The following CCDC178 variants were observed in gnomAD, a reference collection of about 807,000 sequenced individuals.
The protein encoded by CCDC178 is coiled-coil domain containing 178.
A neutral mutation model predicts 117.4 loss-of-function variants in CCDC178; 126 were observed. The observed-to-expected ratio is 1.07, with a 90% confidence interval of 0.93 to 1.24. The LOEUF (loss-of-function observed/expected upper bound fraction) is 1.24. CCDC178 is among the 50% of genes most tolerant of loss of function. The pLI is 0.00. For synonymous variants in CCDC178, 283 were observed against 313.4 expected (o/e 0.90, Z 1.02); for missense variants, 1,030 against 986.9 (o/e 1.04, Z -0.59).
chr18:33,439,937 C>A (rs1460396253), intron 2 of CCDC178, 25 bp downstream of exon 2: 1 of 152,158 alleles, frequency 6.6e-6, no homozygotes, highest in Non-Finnish European at 1.5e-5. Context: ...AATCACAAAT[C>A]AGCTCTGAAT....
intron 20 of CCDC178, among the ~76,000 whole-genome samples, chr18:33,153,239 C>T (rs184598907): frequency 4.7e-5 from 7 of 150,304 alleles, no homozygotes; most frequent in East Asian, 3.9e-4. Flanking sequence ...ATTTGAAATA[C>T]GACATTAAAT....
At chr18:33,269,817 TCA>T (rs2059865073) in intron 12 of CCDC178, among the ~76,000 whole-genome samples, 2 of 151,920 alleles carry the variant, frequency 1.3e-5, no homozygotes, top group African/African-American at 4.8e-5. Context: ...TTTAAAATGT[TCA>T]GTTTTCAACA....
chr18:33,287,034 G>T (rs998883988), intron 12 of CCDC178, among the ~76,000 whole-genome samples: 1 of 151,846 alleles, frequency 6.6e-6, no homozygotes, highest in African/African-American at 2.4e-5. Context: ...AGGTTTTCTG[G>T]CTAACAAAGG....
Position 33,245,368 on chromosome 18 carries a change from C to T in CCDC178, c.1470G>A (p.Lys490=), listed in dbSNP as rs774283173. The change falls in exon 15 of 23, where the codon AAG becomes AAA. Residue 490 remains lysine (K), a synonymous_variant. Coordinates refer to ENST00000383096, the MANE Select transcript of CCDC178 (RefSeq NM_001105528.4). ...EIKYLTIMKL[K]NDKHLKNIYK... is the part of the protein sequence containing the mutation. ...AGATGTTCTTGAGATGTTTATCATT[C>T]TTTAACTTCATTATTGTCAAATATT... 6.2e-7 allele frequency: 1 copy of T among 1,600,814 alleles called. No homozygotes were observed. Among genetic ancestry groups the T allele is most frequent in the Admixed American group, 1.7e-5 (1 of 57,874 alleles).
At chr18:33,069,490 T>C (rs976738710) in intron 21 of CCDC178, among the ~76,000 whole-genome samples, 1 of 152,100 alleles carries the variant, frequency 6.6e-6, no homozygotes, top group East Asian at 1.9e-4. Context: ...AGAATTAAAC[T>C]ATATTTCTGG....
At chr18:33,349,945 T>C (rs939438472) in intron 7 of CCDC178, among the ~76,000 whole-genome samples, 2 of 151,982 alleles carry the variant, frequency 1.3e-5, no homozygotes, top group Non-Finnish European at 2.9e-5. Flanking sequence ...TTCTAATGGC[T>C]ACAAATTATT....
intron 22 of CCDC178, among the ~76,000 whole-genome samples, chr18:32,941,970 G>A (rs1202646613): frequency 5.3e-5 from 8 of 152,050 alleles, no homozygotes; most frequent in African/African-American, 1.9e-4. Flanking sequence ...TCCTTAATAA[G>A]TTATTGATGA....
chr18:33,054,533 C>T (rs1598833094), intron 21 of CCDC178, among the ~76,000 whole-genome samples: 1 of 152,284 alleles, frequency 6.6e-6, no homozygotes, highest in East Asian at 1.9e-4. Context: ...TTGGTTTTCT[C>T]TTCCTGCGTT....
At chr18:32,986,314 T>C (rs113729329) in intron 21 of CCDC178, among the ~76,000 whole-genome samples, 4 of 152,230 alleles carry the variant, frequency 2.6e-5, no homozygotes, top group South Asian at 2.1e-4. Context: ...TCTGCATGTA[T>C]ACTCTCTAAG....
At chr18:33,046,115 C>T (rs907626729) in intron 21 of CCDC178, among the ~76,000 whole-genome samples, 3 of 152,114 alleles carry the variant, frequency 2.0e-5, no homozygotes, top group Admixed American at 2.0e-4. Flanking sequence ...ATGATGTTAG[C>T]CTTTACGAAC....
In CCDC178 at chr18:33,075,148, A is replaced by T. The variant is rs115873943; in HGVS notation, c.2388+17613T>A. On this transcript the variant is annotated intron_variant, in intron 21 of 22. Coordinates refer to ENST00000383096, the MANE Select transcript of CCDC178 (RefSeq NM_001105528.4). ...CAGGTACTTTGATGGATTTGATGAC[A>T]GATGAGTTCTCATCTTCTATGAATG... Among the ~76,000 whole-genome samples, 361 of 152,328 alleles carry T rather than the reference A, an allele frequency of 2.4e-3. 1 individual carries two copies. The highest frequency in any genetic ancestry group is 8.3e-3 in the African/African-American group (347 of 41,584).
rs181159789 is a variant in CCDC178, at chr18:33,266,193, T to C, written c.1409+723A>G. Among the ~76,000 whole-genome samples the C allele has an allele frequency of 2.6e-5, 4 of 152,104 alleles. No individual in the cohort carries two copies. The East Asian group carries it at 7.7e-4, about 29-fold the overall frequency. On this transcript the variant is annotated intron_variant, in intron 14 of 22. Transcript: ENST00000383096. ...TTCCAGATATAGACAATTCATAAGTTTTAAATTGTAGGCTGTTCTAAGTAG... is the reference window on the plus strand; with the variant it reads ...TTCCAGATATAGACAATTCATAAGTCTTAAATTGTAGGCTGTTCTAAGTAG...
At chr18:33,301,816 A>C (rs2062181050) in intron 11 of CCDC178, among the ~76,000 whole-genome samples, 1 of 152,182 alleles carries the variant, frequency 6.6e-6, no homozygotes. Context: ...ATAGGCTCAA[A>C]GTTGGAAGGA....
Position 33,255,699 on chromosome 18 carries a change from A to C in CCDC178, c.1410-10271T>G, listed in dbSNP as rs545338290. Among the ~76,000 whole-genome samples the C allele has an allele frequency of 1.7e-3, 255 of 152,110 alleles. 1 individual carries two copies. The highest frequency in any genetic ancestry group is 6.1e-3 in the African/African-American group (252 of 41,534). On this transcript the variant is annotated intron_variant, in intron 14 of 22. Coordinates refer to ENST00000383096, the MANE Select transcript of CCDC178 (RefSeq NM_001105528.4). The stretch of plus-strand genomic sequence containing the variant: ...TAGAGAATGTCAAGTGAGATTAAAG[A>C]GTCAAAAAATGTACAGTACATGTTA...
intron 20 of CCDC178, among the ~76,000 whole-genome samples, chr18:33,193,474 T>C (rs2058887986): frequency 6.6e-6 from 1 of 152,136 alleles, no homozygotes; most frequent in African/African-American, 2.4e-5. Context: ...CATTTTACTG[T>C]GGAATGCTTC....
chr18:33,093,270 A>G (rs2057494790), intron 20 of CCDC178, among the ~76,000 whole-genome samples: 2 of 152,044 alleles, frequency 1.3e-5, no homozygotes, highest in Non-Finnish European at 2.9e-5. Flanking sequence ...GCACTTTCAC[A>G]GTTTCCTGTC....
chr18:33,341,162 A>G (rs2062812601), intron 9 of CCDC178, among the ~76,000 whole-genome samples: 2 of 152,030 alleles, frequency 1.3e-5, no homozygotes, highest in South Asian at 2.1e-4. Flanking sequence ...GAGTCAAAGG[A>G]GATCATTTTG....
At chr18:33,303,440 C>G (rs796145962) in intron 11 of CCDC178, among the ~76,000 whole-genome samples, 1 of 151,944 alleles carries the variant, frequency 6.6e-6, no homozygotes, top group African/African-American at 2.4e-5. Context: ...ATACATTTTC[C>G]AAACCCATAG....
In CCDC178 at chr18:33,353,415, A is replaced by G. The variant is rs563176086; in HGVS notation, c.371+2909T>C. Among the ~76,000 whole-genome samples, 11 of 152,182 alleles carry G rather than the reference A, an allele frequency of 7.2e-5. No homozygotes were observed. In the South Asian group the frequency reaches 2.3e-3, roughly 32 times the overall value. ...ATTTATATAAGAAGTAATTACTGAT[A>G]AGGAAGGGATTATTTTTGCCATTTT... On this transcript the variant is annotated intron_variant, in intron 7 of 22. Coordinates refer to ENST00000383096, the MANE Select transcript of CCDC178 (RefSeq NM_001105528.4).
Sources: gnomAD v4.1 joint callset for allele counts (sites outside exome capture counted in the v4.1 genomes callset) on GRCh38, gnomAD v4.1.1 for gene constraint, MANE v1.5 for transcripts, NCBI Gene and HGNC (gene_info 2026-07-23, HGNC 2026-07-21) for gene names.